Variants in ZNF878 observed in about 807,000 individuals in gnomAD.
ZNF878 encodes the protein zinc finger protein 878.
In ZNF878, 10 loss-of-function variants were observed where a neutral mutation model predicts 11.1. The ratio of observed to expected loss-of-function variants is 0.90; its 90% CI spans 0.56 to 1.53. The LOEUF is 1.53. Ranked by LOEUF, ZNF878 falls within the 40% of genes most tolerant of loss-of-function variation. The pLI, the probability that ZNF878 is intolerant of heterozygous loss-of-function variation, is 0.00. For missense variants in ZNF878, 548 were observed against 626.1 expected, an observed-to-expected ratio of 0.88 and a Z score of 1.33; for synonymous variants, 165 against 209.7, an observed-to-expected ratio of 0.79 and a Z score of 1.84.
At chr19:12,045,783 G>C (rs897864948) in intron 3 of ZNF878, among the ~76,000 whole-genome samples, 1 of 152,008 alleles carries the variant, frequency 6.6e-6, no homozygotes, top group East Asian at 1.9e-4. Context: ...CTGGAGTGCA[G>C]TGGCACCATC....
chr19:12,051,741 T>C (rs896080691), intron 1 of ZNF878, among the ~76,000 whole-genome samples: 2 of 152,148 alleles, frequency 1.3e-5, no homozygotes, highest in Admixed American at 6.5e-5. Flanking sequence ...AACCCGTTTC[T>C]ACTAAAAATA....
At chr19:12,043,670 A>C, downstream of ZNF878, 1 of 816,286 alleles carries the variant, frequency 1.2e-6, no homozygotes, top group Non-Finnish European at 1.9e-6. Context: ...CAACCTCTTC[A>C]GCTTAAGCAA....
intron 3 of ZNF878, among the ~76,000 whole-genome samples, chr19:12,045,432 G>T: frequency 6.6e-6 from 1 of 152,116 alleles, no homozygotes; most frequent in South Asian, 2.1e-4. Context: ...TGGATCATGA[G>T]GTCAGGAGAT....
chr19:12,046,057 G>A (rs961503159), intron 3 of ZNF878: 8 of 272,934 alleles, frequency 2.9e-5, no homozygotes, highest in Non-Finnish European at 5.4e-5. Context: ...TTATAAATAC[G>A]GTCTTTGTCT....
At position 12,044,303 on chromosome 19, in the gene ZNF878, G is replaced by T; in HGVS notation, c.1098C>A (p.Pro366=). 1 of 1,612,902 alleles carries T rather than the reference G, an allele frequency of 6.2e-7. No homozygotes were observed. The highest frequency in any genetic ancestry group is 8.5e-7 in the Non-Finnish European group (1 of 1,179,174). ...TTTTCCCACATTGTTTACATTCAAA[G>T]GGTTTCTCTCCAGTGTGTGTCCTTT... ...IHERTHTGEK[P]FECKQCGKTF... The change falls in exon 4 of 4, where the codon CCC becomes CCA. Residue 366 remains proline, a synonymous_variant. Transcript: ENST00000547628.
chr19:12,045,658 CAA>C (rs1478772193), intron 3 of ZNF878, among the ~76,000 whole-genome samples: 1 of 151,628 alleles, frequency 6.6e-6, no homozygotes, highest in Non-Finnish European at 1.5e-5. Flanking sequence ...AACAAACAAA[CAA>C]AGATGGCCCA....
rs988823765 is a variant in ZNF878 at position 12,044,113 on chromosome 19, T to C, written c.1288A>G (p.Lys430Glu). Residue 430 changes from lysine (K) to glutamate (E), a missense_variant, in exon 4 of 4, where the codon AAA (lysine) becomes GAA (glutamate). Coordinates refer to ENST00000547628, the MANE Select transcript of ZNF878 (RefSeq NM_001080404.3). ...AGTTGTGAGGCAACTCTAAAGACTT[T>C]ACCACATTGCTTACATCCATAGGGT... The part of the protein sequence containing the change: ...EKPYGCKQCG[K>E]VFRVASQLKM... 2.5e-6 allele frequency: 4 copies of C among 1,614,116 alleles called. No individual in the cohort carries two copies. Among genetic ancestry groups the C allele is most frequent in the Non-Finnish European group, 1.7e-6 (2 of 1,180,002 alleles).
rs1464450494 is a variant in ZNF878 at position 12,043,923 on chromosome 19, G to A, written c.1478C>T (p.Ser493Phe). 5.0e-6 allele frequency: 8 copies of A among 1,613,888 alleles called. No homozygotes were observed. The highest frequency in any genetic ancestry group is 6.8e-6 in the Non-Finnish European group (8 of 1,179,978). The part of the protein sequence containing the change: ...QCGKAFISSN[S>F]FLYHERIHTG... Reference sequence around the variant, plus strand: ...ATGAATCCTTTCATGGTAGAGAAAAGAGTTGGAAGAAATGAAGGCTTTCCC... The same window carrying A: ...ATGAATCCTTTCATGGTAGAGAAAAAAGTTGGAAGAAATGAAGGCTTTCCC... The change falls in exon 4 of 4, where the codon TCT becomes TTT. Residue 493 changes from serine to phenylalanine, a missense_variant. Ser to Phe is a radical substitution (Grantham distance 155). This residue lies in a region of ZNF878 where 335 missense variants were observed against 358.2 expected (regional missense o/e 0.94). Coordinates refer to ENST00000547628, the MANE Select transcript of ZNF878 (RefSeq NM_001080404.3).
chr19:12,048,189 A>C (rs936032957), intron 1 of ZNF878, among the ~76,000 whole-genome samples: 1 of 152,152 alleles, frequency 6.6e-6, no homozygotes, highest in Non-Finnish European at 1.5e-5. Context: ...TGGAAACTCC[A>C]AACAGCCAAA....
intron 1 of ZNF878, 89 bp from the exon 2 acceptor site, chr19:12,046,849 T>A (rs888531363): frequency 6.5e-7 from 1 of 1,548,608 alleles, no homozygotes; most frequent in South Asian, 1.2e-5. Flanking sequence ...CTCAGGATGC[T>A]GTGGTGTGTG....
At position 12,044,409 on chromosome 19, in the gene ZNF878, T is replaced by C; in HGVS notation, c.992A>G (p.Lys331Arg). The change falls in exon 4 of 4, where the codon AAG (lysine) becomes AGG (arginine). Residue 331 changes from lysine to arginine, a missense_variant. By Grantham distance (26) the Lys-to-Arg change is conservative. This residue lies in a region of ZNF878 where 335 missense variants were observed against 358.2 expected (regional missense o/e 0.94). Transcript: ENST00000547628. ...ATAAGGTTTCTCTCCAGTGTGAGTC[T>C]TTTCATGATAGCGAAAGGAAGTGGA... is the stretch of plus-strand genomic sequence containing the variant. ...ISSTSFRYHE[K>R]THTGEKPYEC... The C allele has an allele frequency of 6.2e-7, 1 of 1,611,984 alleles. No homozygotes were observed. The highest frequency in any genetic ancestry group is 1.1e-5 in the South Asian group (1 of 90,912).
intron 1 of ZNF878, among the ~76,000 whole-genome samples, chr19:12,048,532 A>G (rs1267866814): frequency 1.3e-5 from 2 of 150,664 alleles, no homozygotes; most frequent in South Asian, 2.1e-4. Context: ...AAAGAAAAAA[A>G]AAAAAGAAAA....
At chr19:12,045,535 C>T (rs1213223984) in intron 3 of ZNF878, among the ~76,000 whole-genome samples, 1 of 151,826 alleles carries the variant, frequency 6.6e-6, no homozygotes, top group African/African-American at 2.4e-5. Flanking sequence ...GCAGTCCCAG[C>T]TACGGGGAGG....
Position 12,044,047 on chromosome 19 carries a change from C to T in ZNF878, c.1354G>A (p.Glu452Lys), listed in dbSNP as rs751410013. The part of the protein sequence containing the change: ...ERTHTGEKPY[E>K]CKQCGKAFIS... ...AAGGCTTTTCCACATTGCTTACACT[C>T]ATAGGGTTTCTCTCCTGTGTGAGTC... Residue 452 changes from glutamate to lysine, a missense_variant, in exon 4 of 4, where the codon GAG becomes AAG. Coordinates refer to ENST00000547628, the MANE Select transcript of ZNF878 (RefSeq NM_001080404.3). 1 of 1,613,946 alleles carries T rather than the reference C, an allele frequency of 6.2e-7. No homozygotes were observed.
Position 12,052,880 on chromosome 19 carries a change from A to G in ZNF878, c.-79T>C. On this transcript the variant is annotated 5_prime_UTR_variant, in exon 1 of 4. Transcript: ENST00000547628. Reference sequence around the variant, plus strand: ...AGGTCACAGCGCAGTCGACAGAGCAACAGCAGCTACGGCGGAAGTAACTGG... The same window carrying G: ...AGGTCACAGCGCAGTCGACAGAGCAGCAGCAGCTACGGCGGAAGTAACTGG... 6.6e-7 allele frequency: 1 copy of G among 1,523,496 alleles called. No homozygotes were observed. The highest frequency in any genetic ancestry group is 8.8e-7 in the Non-Finnish European group (1 of 1,137,498). The allele number at this position is 1,523,496 out of a possible 1,614,324, so 94.4% of individuals were successfully genotyped here. A position where few individuals can be genotyped will look rare whatever the true frequency, so the allele number is the denominator to read the frequency against.
chr19:12,048,731 G>C (rs1320883421), intron 1 of ZNF878, among the ~76,000 whole-genome samples: 1 of 150,840 alleles, frequency 6.6e-6, no homozygotes, highest in East Asian at 1.9e-4. Context: ...CTACTTGGGG[G>C]GCCGAGGCAG....
At chr19:12,048,411 G>A (rs994787435) in intron 1 of ZNF878, among the ~76,000 whole-genome samples, 13 of 151,770 alleles carry the variant, frequency 8.6e-5, no homozygotes, top group Admixed American at 5.9e-4. Flanking sequence ...CCAGCTACTC[G>A]GGAGGCTGAG....
Position 12,052,857 on chromosome 19 carries a change from G to T in ZNF878, c.-56C>A, listed in dbSNP as rs1042023870. ...TCTAAAGGTCCCGTGAACAGTGCAG[G>T]TCACAGCGCAGTCGACAGAGCAACA... On this transcript the variant is annotated 5_prime_UTR_variant, in exon 1 of 4. Coordinates refer to ENST00000547628, the MANE Select transcript of ZNF878 (RefSeq NM_001080404.3). 3 of 1,533,774 alleles carry T rather than the reference G, an allele frequency of 2.0e-6. No individual in the cohort carries two copies. The African/African-American group carries it at 4.1e-5, about 21-fold the overall frequency.
rs1336139149 is a variant in ZNF878 at position 12,046,511 on chromosome 19, T to C, written c.131-83A>G. The C allele has an allele frequency of 4.4e-5, 68 of 1,554,734 alleles. 1 individual carries two copies. Among genetic ancestry groups the C allele is most frequent in the Non-Finnish European group, 5.5e-5 (63 of 1,136,052 alleles). ...TACTTGATTCTATGTCCATGGCTCA[T>C]TGCACCTGTGTCTCATTTATTCAAA... On this transcript the variant is annotated intron_variant, in intron 2 of 3. Transcript: ENST00000547628.
Sources: allele counts gnomAD v4.1 joint callset (sites outside exome capture counted in the v4.1 genomes callset), GRCh38; gene constraint gnomAD v4.1.1; regional missense constraint gnomAD v4.1.1; transcripts MANE v1.5; gene names NCBI Gene and HGNC (gene_info 2026-07-23, HGNC 2026-07-21).